The following CNTNAP2 variants were observed in gnomAD, a reference collection of about 807,000 sequenced individuals.
CNTNAP2 encodes the protein contactin-associated protein-like 2.
Under a neutral mutation model 155.2 loss-of-function variants are expected in CNTNAP2, and 98 were observed. That is an observed-to-expected ratio of 0.63 (90% CI 0.54 to 0.75). The LOEUF (loss-of-function observed/expected upper bound fraction) is 0.75, where lower values mean the gene tolerates loss of function less well. Ranked by LOEUF, CNTNAP2 falls within the 30% of genes least tolerant of loss-of-function variation. The pLI is 0.00. For missense variants in CNTNAP2, 1,727 were observed against 1,688.1 expected (o/e 1.02, Z -0.40); for synonymous variants, 651 against 631.2 (o/e 1.03, Z -0.47).
intron 1 of CNTNAP2, among the ~76,000 whole-genome samples, chr7:146,416,412 T>A (rs751385548): frequency 7.2e-5 from 11 of 152,052 alleles, no homozygotes; most frequent in Non-Finnish European, 1.6e-4. Context: ...ACACAGCTCC[T>A]GAGAGGTCAC....
intron 1 of CNTNAP2, among the ~76,000 whole-genome samples, chr7:146,196,546 G>T (rs1223336280): frequency 2.6e-5 from 4 of 151,452 alleles, no homozygotes; most frequent in Non-Finnish European, 5.9e-5. Flanking sequence ...GAGAGTCAGA[G>T]GGAAAGGAGG....
intron 1 of CNTNAP2, among the ~76,000 whole-genome samples, chr7:146,619,851 C>T (rs1018342924): frequency 4.6e-5 from 7 of 152,114 alleles, no homozygotes; most frequent in Non-Finnish European, 7.4e-5. Context: ...TTTGAGTATT[C>T]GAATACTATG....
chr7:148,024,798 C>T (rs1802348382), intron 15 of CNTNAP2, among the ~76,000 whole-genome samples: 1 of 152,136 alleles, frequency 6.6e-6, no homozygotes, highest in South Asian at 2.1e-4. Flanking sequence ...TCACAGGCAG[C>T]CATCTTTTTC....
At chr7:146,747,603 C>T (rs569210215) in intron 1 of CNTNAP2, among the ~76,000 whole-genome samples, 15 of 152,026 alleles carry the variant, frequency 9.9e-5, no homozygotes, top group South Asian at 2.1e-4. Context: ...TTATTTTATA[C>T]GTTTAAACAG....
At chr7:148,010,713 CA>C (rs1008988579) in intron 15 of CNTNAP2, among the ~76,000 whole-genome samples, 1 of 151,620 alleles carries the variant, frequency 6.6e-6, no homozygotes, top group African/African-American at 2.4e-5. Flanking sequence ...AGGTTCACAG[CA>C]AAACTGAATA....
chr7:148,112,803 A>T (rs778337594), intron 15 of CNTNAP2, among the ~76,000 whole-genome samples: 3 of 152,036 alleles, frequency 2.0e-5, no homozygotes, highest in African/African-American at 4.8e-5. Flanking sequence ...TCTTATATTC[A>T]GGAAAATCAG....
Position 146,713,203 on chromosome 7 carries a change from A to C in CNTNAP2, c.98-61068A>C, listed in dbSNP as rs192071843. Among the ~76,000 whole-genome samples, 69 of 152,304 alleles carry C rather than the reference A, an allele frequency of 4.5e-4. 1 individual carries two copies. The highest frequency in any genetic ancestry group is 2.2e-4 in the Non-Finnish European group (15 of 68,018). The stretch of plus-strand genomic sequence containing the variant: ...ATACTGAAAGAATTAACAGAATGAG[A>C]AAAGGAAGCATTAAATTCACATCAA... On this transcript the variant is annotated intron_variant, in intron 1 of 23. Transcript: ENST00000361727.
In CNTNAP2 at chr7:146,501,728, T is replaced by C. The variant is rs562772766; in HGVS notation, c.98-272543T>C. 4.6e-5 allele frequency among the ~76,000 whole-genome samples: 7 copies of C among 152,210 alleles called. No homozygotes were observed. In the East Asian group the frequency reaches 1.4e-3, roughly 29 times the overall value. On this transcript the variant is annotated intron_variant, in intron 1 of 23. Transcript: ENST00000361727. ...TTTGATAAAAGAGTGTTTGCAGATA[T>C]AATTAAAGGATTATGAATGAGATTA...
chr7:147,998,481 G>T (rs989739907), intron 15 of CNTNAP2, among the ~76,000 whole-genome samples: 15 of 152,244 alleles, frequency 9.9e-5, no homozygotes, highest in Admixed American at 2.6e-4. Context: ...CGTGACCGAT[G>T]ATTTTTGCAA....
chr7:146,412,276 A>G (rs1278536276), intron 1 of CNTNAP2, among the ~76,000 whole-genome samples: 1 of 152,198 alleles, frequency 6.6e-6, no homozygotes, highest in Non-Finnish European at 1.5e-5. Flanking sequence ...TCACAGCCGC[A>G]ATGCTCTTAT....
chr7:146,623,222 A>ATATGGTTAG (rs1182796978), intron 1 of CNTNAP2, among the ~76,000 whole-genome samples: 3 of 152,058 alleles, frequency 2.0e-5, no homozygotes, highest in Non-Finnish European at 4.4e-5. Flanking sequence ...TTACATTTTC[A>ATATGGTTAG]TATGGTTAGA....
chr7:147,002,817 A>G (rs570518581), intron 3 of CNTNAP2, among the ~76,000 whole-genome samples: 4 of 151,876 alleles, frequency 2.6e-5, no homozygotes, highest in Non-Finnish European at 5.9e-5. Context: ...TCATGAGGGC[A>G]CTTACCTTAG....
intron 13 of CNTNAP2, among the ~76,000 whole-genome samples, chr7:147,731,279 C>G (rs1796734623): frequency 6.6e-6 from 1 of 152,102 alleles, no homozygotes; most frequent in South Asian, 2.1e-4. Context: ...AAGTGGATGT[C>G]TGGCTTCAGG....
chr7:147,176,791 ATATAT>A (rs1359948832), intron 8 of CNTNAP2, among the ~76,000 whole-genome samples: 1 of 124,502 alleles, frequency 8.0e-6, no homozygotes, highest in African/African-American at 3.2e-5. Context: ...AATTATAATT[ATATAT>A]TATAATATAT....
At chr7:146,246,780 C>T (rs149553270) in intron 1 of CNTNAP2, among the ~76,000 whole-genome samples, 1,708 of 152,264 alleles carry the variant, frequency 0.011, 21 homozygotes, top group Middle Eastern at 0.017. Context: ...TGGGACTCGG[C>T]TTAGGAGGAA....
intron 21 of CNTNAP2, among the ~76,000 whole-genome samples, chr7:148,337,050 CATTT>C (rs68015200): frequency 0.51 from 77,059 of 151,704 alleles, 19,762 homozygotes; most frequent in East Asian, 0.65. Flanking sequence ...GAGTGGCAAT[CATTT>C]ATTCATTCAT....
intron 1 of CNTNAP2, among the ~76,000 whole-genome samples, chr7:146,676,448 C>CTTTT (rs35178328): frequency 0.4 from 60,220 of 150,324 alleles, 15,221 homozygotes; most frequent in South Asian, 0.6. Context: ...TGTTTGTGTT[C>CTTTT]TTTTTTTTAA....
intron 9 of CNTNAP2, among the ~76,000 whole-genome samples, chr7:147,373,296 G>A (rs1796379473): frequency 6.6e-6 from 1 of 151,902 alleles, no homozygotes; most frequent in Non-Finnish European, 1.5e-5. Context: ...TTTCAAGGTG[G>A]CTGACGTGGT....
intron 10 of CNTNAP2, among the ~76,000 whole-genome samples, chr7:147,416,237 C>G (rs552508992): frequency 6.6e-6 from 1 of 152,162 alleles, no homozygotes; most frequent in African/African-American, 2.4e-5. Context: ...GGGACTATTT[C>G]AAGAACATTC....
Sources: allele counts gnomAD v4.1 joint callset (sites outside exome capture counted in the v4.1 genomes callset), GRCh38; gene constraint gnomAD v4.1.1; transcripts MANE v1.5; gene names NCBI Gene and HGNC (gene_info 2026-07-23, HGNC 2026-07-21).